The following IQSEC3 variants were observed in gnomAD, a reference collection of about 807,000 sequenced individuals.
IQSEC3 encodes the protein IQ motif and SEC7 domain-containing protein 3.
A neutral mutation model predicts 105.4 loss-of-function variants in IQSEC3; 50 were observed. That is an observed-to-expected ratio of 0.47 (90% CI 0.38 to 0.60). The LOEUF (loss-of-function observed/expected upper bound fraction) is 0.60. Ranked by LOEUF, IQSEC3 falls within the 20% of genes least tolerant of loss-of-function variation. IQSEC3 has a pLI of 0.00. For synonymous variants in IQSEC3, 708 were observed against 746.0 expected (o/e 0.95, Z 0.83); for missense variants, 1,415 against 1,630.0 (o/e 0.87, Z 2.27).
chr12:153,367 G>A (rs977640124), intron 5 of IQSEC3, among the ~76,000 whole-genome samples: 41 of 152,250 alleles, frequency 2.7e-4, no homozygotes, highest in South Asian at 1.7e-3. Context: ...GCTGCGGGTC[G>A]TCTGCCCCCT....
chr12:158,223 A>G (rs1866764191), intron 7 of IQSEC3, among the ~76,000 whole-genome samples: 1 of 152,096 alleles, frequency 6.6e-6, no homozygotes, highest in Admixed American at 6.5e-5. Flanking sequence ...CATCCACATA[A>G]TTTAATAAAG....
rs1866553574 is a variant in IQSEC3 at position 152,831 on chromosome 12, G to C, written c.2154-4194G>C. Among the ~76,000 whole-genome samples, 1 of 152,150 alleles carries C rather than the reference G, an allele frequency of 6.6e-6. No homozygotes were observed. Among genetic ancestry groups the C allele is most frequent in the Non-Finnish European group, 1.5e-5 (1 of 68,018 alleles). On this transcript the variant is annotated intron_variant, in intron 5 of 13. Coordinates refer to ENST00000538872, the MANE Select transcript of IQSEC3 (RefSeq NM_001170738.2). This position sits in a 1 kb window ranked among gnomAD's most constrained non-coding sequence, Gnocchi z 4.8. ...GCCAGCCCTACGTGGCATTAGTTTTGTCTTCTGTAAAATGGGGAGATGATA... is the reference window on the plus strand; with the variant it reads ...GCCAGCCCTACGTGGCATTAGTTTTCTCTTCTGTAAAATGGGGAGATGATA...
intron 7 of IQSEC3, 114 bp from the exon 8 acceptor site, chr12:161,812 A>G: frequency 7.3e-6 from 8 of 1,095,352 alleles, no homozygotes; most frequent in Non-Finnish European, 1.0e-5. Context: ...GGCAAGAACC[A>G]AGGCCACCCC....
intron 1 of IQSEC3, among the ~76,000 whole-genome samples, chr12:92,435 A>C (rs1864117350): frequency 6.6e-6 from 1 of 151,486 alleles, no homozygotes; most frequent in Admixed American, 6.6e-5. Context: ...TGTGTGTCAC[A>C]GGGGCTCTGA....
At chr12:75,848 C>G (rs1181695692) in intron 1 of IQSEC3, among the ~76,000 whole-genome samples, 1 of 152,270 alleles carries the variant, frequency 6.6e-6, no homozygotes, top group Non-Finnish European at 1.5e-5. Context: ...CAGCACAGCT[C>G]ACTGTCCTGA....
At chr12:139,421 C>T in intron 4 of IQSEC3, 67 bp downstream of exon 4, 3 of 1,337,194 alleles carry the variant, frequency 2.2e-6, no homozygotes, top group Non-Finnish European at 3.0e-6. Flanking sequence ...GAGGAGGGCA[C>T]CTTCCCTCCA....
chr12:164,399 G>A (rs534535919), intron 9 of IQSEC3, among the ~76,000 whole-genome samples: 4 of 151,592 alleles, frequency 2.6e-5, no homozygotes, highest in East Asian at 3.9e-4. Context: ...ATCAGGCCAC[G>A]TGTCCCCTTT....
At chr12:168,935 T>C in intron 11 of IQSEC3, 78 bp from the exon 12 acceptor site, 1 of 1,200,508 alleles carries the variant, frequency 8.3e-7, no homozygotes, top group Non-Finnish European at 1.2e-6. Context: ...CCCTTTCTGC[T>C]GGCCCCTCAT....
chr12:106,588 A>G (rs1444676606), intron 2 of IQSEC3: 9 of 152,264 alleles, frequency 5.9e-5, no homozygotes, highest in Non-Finnish European at 1.3e-4. Flanking sequence ...CTTCCAGAAC[A>G]AGTGAGAGAT....
intron 1 of IQSEC3, among the ~76,000 whole-genome samples, chr12:86,080 G>A (rs371992437): frequency 2.0e-5 from 3 of 152,222 alleles, no homozygotes; most frequent in African/African-American, 4.8e-5. Context: ...AGTATAGGGA[G>A]ATATGACATG....
At position 152,956 on chromosome 12, in the gene IQSEC3, T is replaced by A. The variant is rs993430457; in HGVS notation, c.2154-4069T>A. Among the ~76,000 whole-genome samples, 1 of 152,010 alleles carries A rather than the reference T, an allele frequency of 6.6e-6. No homozygotes were observed. On this transcript the variant is annotated intron_variant, in intron 5 of 13. Transcript: ENST00000538872. The surrounding 1 kb of genome is among the most constrained non-coding windows in gnomAD (Gnocchi z 4.8). The stretch of plus-strand genomic sequence containing the variant: ...GCCACCCTGGGTGGAGGCTGCAGCA[T>A]GGATTTGGTAAACTGCCCACACTCA...
chr12:70,263 A>T (rs1863262039), intron 1 of IQSEC3, among the ~76,000 whole-genome samples: 1 of 152,270 alleles, frequency 6.6e-6, no homozygotes, highest in Admixed American at 6.5e-5. Flanking sequence ...CAGAAGCCCT[A>T]GATAACTGGG....
chr12:121,100 C>G (rs1216620508), intron 2 of IQSEC3, among the ~76,000 whole-genome samples: 3 of 152,188 alleles, frequency 2.0e-5, no homozygotes, highest in African/African-American at 7.2e-5. Context: ...CAGAGAGAAT[C>G]CCATCCACAT....
At chr12:171,693 G>T (rs1939006034) in intron 13 of IQSEC3, among the ~76,000 whole-genome samples, 1 of 152,210 alleles carries the variant, frequency 6.6e-6, no homozygotes, top group Non-Finnish European at 1.5e-5. Context: ...CTTGGGGGCA[G>T]GTGGGAGGGG....
chr12:157,843 T>C (rs967429484), intron 7 of IQSEC3, 149 bp downstream of exon 7: 2 of 930,600 alleles, frequency 2.1e-6, no homozygotes, highest in African/African-American at 1.7e-5. Flanking sequence ...GAACATTCCT[T>C]GTGAGCCAGG....
chr12:146,485 A>C (rs1452843707), intron 5 of IQSEC3, among the ~76,000 whole-genome samples: 4 of 152,106 alleles, frequency 2.6e-5, no homozygotes, highest in African/African-American at 7.2e-5. Context: ...TCTACAAAAA[A>C]ATTTTTTTTA....
At chr12:93,033 G>C (rs1264121262) in intron 1 of IQSEC3, among the ~76,000 whole-genome samples, 1 of 152,218 alleles carries the variant, frequency 6.6e-6, no homozygotes, top group African/African-American at 2.4e-5. Flanking sequence ...TGTGGCCTTT[G>C]CCTTTATAAT....
chr12:174,605 A>G lies in IQSEC3; in HGVS notation c.3121A>G (p.Ile1041Val). 1.3e-6 allele frequency: 2 copies of G among 1,535,210 alleles called. No individual in the cohort carries two copies. Among genetic ancestry groups the G allele is most frequent in the Middle Eastern group, 1.8e-4 (1 of 5,648 alleles). ...RPAESTVEVS[I>V]HNRLQTSQHN... ...CTGGCTGTTTCTAAACTAGGTGTCA[A>G]TTCACAACAGGCTTCAAACGTCCCA... The change falls in exon 14 of 14, where the codon ATT (isoleucine) becomes GTT (valine). Residue 1041 changes from isoleucine (I) to valine (V), a missense_variant. By Grantham distance (29) the Ile-to-Val change is conservative (BLOSUM62 3). Transcript: ENST00000538872.
intron 3 of IQSEC3, among the ~76,000 whole-genome samples, chr12:127,167 T>C (rs1555083760): frequency 6.6e-6 from 1 of 152,200 alleles, no homozygotes; most frequent in African/African-American, 2.4e-5. Context: ...GGCTTTCTGA[T>C]GACATAAAGC....
Sources: gnomAD v4.1 joint callset for allele counts (sites outside exome capture counted in the v4.1 genomes callset) on GRCh38, gnomAD v4.1.1 for gene constraint, Gnocchi (gnomAD v3.1) non-coding constraint, MANE v1.5 for transcripts, NCBI Gene and HGNC (gene_info 2026-07-23, HGNC 2026-07-21) for gene names.